The following H1-10 variants were observed in gnomAD, a reference collection of about 807,000 sequenced individuals.
H1-10 encodes the protein histone H1.10.
For synonymous variants in H1-10, 191 were observed against 140.9 expected, an observed-to-expected ratio of 1.36 and a Z score of -2.52; for missense variants, 307 against 297.9, an observed-to-expected ratio of 1.03 and a Z score of -0.22.
Position 129,315,860 on chromosome 3 carries a change from C to A in H1-10, c.43G>T (p.Glu15Ter). The A allele has an allele frequency of 6.3e-7, 1 of 1,598,506 alleles. No homozygotes were observed. The change falls in exon 1 of 1, where the codon GAG (glutamate) becomes TAG (stop). Residue 15 changes from glutamate (E) to a stop codon, truncating the protein, a stop_gained. Transcript: ENST00000333762. LOFTEE classifies it low-confidence loss of function (END_TRUNC). ...LEEALPVTTA[E>*]GMAKKVTKAG... The stretch of plus-strand genomic sequence containing the variant: ...TTGGTCACCTTCTTGGCCATTCCCT[C>A]GGCGGTCGTCACTGGCAGGGCCTCC...
rs1479527902 is a variant in H1-10, at chr3:129,315,384, C to T, written c.519G>A (p.Lys173=). The part of the protein sequence containing the change: ...RGQKPEQRSH[K]KGAGAKKDKG... ...TGTCCTTCTTGGCGCCAGCGCCCTT[C>T]TTGTGCGAGCGCTGCTCCGGCTTCT... The change falls in exon 1 of 1, where the codon AAG becomes AAA. Residue 173 remains lysine, a synonymous_variant. Transcript: ENST00000333762. 4 of 1,542,898 alleles carry T rather than the reference C, an allele frequency of 2.6e-6. No individual in the cohort carries two copies. Among genetic ancestry groups the T allele is most frequent in the Admixed American group, 3.6e-5 (2 of 54,834 alleles).
chr3:129,315,541 A>T lies in H1-10; in HGVS notation c.362T>A (p.Leu121Gln). 6.5e-7 allele frequency: 1 copy of T among 1,544,596 alleles called. No individual in the cohort carries two copies. The highest frequency in any genetic ancestry group is 8.7e-7 in the Non-Finnish European group (1 of 1,146,356). ...TCCGCGCCGCTCCCCGCCGCCCTCC[A>T]GCTTCTTGCGGTTGAGCTTGAAGGA... ...NGSFKLNRKK[L>Q]EGGGERRGAP... The change falls in exon 1 of 1, where the codon CTG (leucine) becomes CAG (glutamine). Residue 121 changes from leucine (L) to glutamine (Q), a missense_variant. Physicochemically the swap from Leu to Gln is moderately radical, Grantham distance 113 (BLOSUM62 -2). Coordinates refer to ENST00000333762, the MANE Select transcript of H1-10 (RefSeq NM_006026.4).
chr3:129,316,227 A>AC lies in H1-10; in HGVS notation c.-326dup, dbSNP rs1388930396. On this transcript the variant is annotated 5_prime_UTR_variant, in exon 1 of 1. Coordinates refer to ENST00000333762, the MANE Select transcript of H1-10 (RefSeq NM_006026.4). The stretch of plus-strand genomic sequence containing the variant: ...AGAGAAATCCCGCCGAACGCGAGAC[A>AC]CCGCCGCCGCAGCTTCCACTGGCGC... 6.0e-6 allele frequency: 1 copy of AC among 165,558 alleles called. No individual in the cohort carries two copies. Among genetic ancestry groups the AC allele is most frequent in the African/African-American group, 2.4e-5 (1 of 41,420 alleles). The allele number at this position is 165,558 out of a possible 1,614,324, so 10.3% of individuals were successfully genotyped here. A position where few individuals can be genotyped will look rare whatever the true frequency, so the allele number is the denominator to read the frequency against.
At position 129,315,709 on chromosome 3, in the gene H1-10, G is replaced by A. The variant is rs750158697; in HGVS notation, c.194C>T (p.Ser65Leu). Residue 65 changes from serine (S) to leucine (L), a missense_variant, in exon 1 of 1, where the codon TCG (serine) becomes TTG (leucine). Transcript: ENST00000333762. ...CTCGGTGTAGATCTTGGCCAGCGAC[G>A]AGCCGTTGCGCTCGCCCAGCCTACG... ...TIRRLGERNG[S>L]SLAKIYTEAK... 1.8e-5 allele frequency: 28 copies of A among 1,580,002 alleles called. No homozygotes were observed. The highest frequency in any genetic ancestry group is 2.3e-5 in the East Asian group (1 of 42,602).
At position 129,315,867 on chromosome 3, in the gene H1-10, C is replaced by A; in HGVS notation, c.36G>T (p.Thr12=). ...SVELEEALPV[T]TAEGMAKKVT... ...CCTTCTTGGCCATTCCCTCGGCGGT[C>A]GTCACTGGCAGGGCCTCCTCGAGCT... Residue 12 remains threonine, a synonymous_variant, in exon 1 of 1, where the codon ACG becomes ACT. Transcript: ENST00000333762. 1 of 1,597,630 alleles carries A rather than the reference C, an allele frequency of 6.3e-7. No homozygotes were observed. Among genetic ancestry groups the A allele is most frequent in the Non-Finnish European group, 8.5e-7 (1 of 1,172,650 alleles).
rs1177562613 is a variant in H1-10 at position 129,315,228 on chromosome 3, G to A, written c.*33C>T. The A allele has an allele frequency of 2.3e-6, 3 of 1,318,834 alleles. No individual in the cohort carries two copies. Among genetic ancestry groups the A allele is most frequent in the Middle Eastern group, 2.7e-4 (1 of 3,700 alleles). 81.7% of individuals were successfully genotyped at this position (1,318,834 alleles called of 1,614,324 possible). On this transcript the variant is annotated 3_prime_UTR_variant, in exon 1 of 1. Transcript: ENST00000333762. ...GGTAGAAAAACAAAAACACCGAAAA[G>A]CCCACGCCGGCCGCTCTGACCGGCC...
Position 129,315,419 on chromosome 3 carries a change from C to G in H1-10, c.484G>C (p.Ala162Pro), listed in dbSNP as rs377074965. 5 of 1,507,334 alleles carry G rather than the reference C, an allele frequency of 3.3e-6. No homozygotes were observed. In the African/African-American group the frequency reaches 7.2e-5, roughly 22 times the overall value. 93.4% of individuals were successfully genotyped at this position (1,507,334 alleles called of 1,614,324 possible). A position where few individuals can be genotyped will look rare whatever the true frequency, so the allele number is the denominator to read the frequency against. ...CGCTGCTCCGGCTTCTGGCCCCTGG[C>G]GGGCTTCTTGTCCGCGCGCCGGGAG... ...AGSRRADKKP[A>P]RGQKPEQRSH... Residue 162 changes from alanine (A) to proline (P), a missense_variant, in exon 1 of 1, where the codon GCC (alanine) becomes CCC (proline). Physicochemically the swap from Ala to Pro is conservative, Grantham distance 27 (BLOSUM62 -1). Coordinates refer to ENST00000333762, the MANE Select transcript of H1-10 (RefSeq NM_006026.4).
rs971703020 is a variant in H1-10 at position 129,315,441 on chromosome 3, G to A, written c.462C>T (p.Ser154=). 13 of 1,470,884 alleles carry A rather than the reference G, an allele frequency of 8.8e-6. No individual in the cohort carries two copies. The highest frequency in any genetic ancestry group is 5.8e-5 in the African/African-American group (4 of 68,378). 91.1% of individuals were successfully genotyped at this position (1,470,884 alleles called of 1,614,324 possible). Residue 154 remains serine (S), a synonymous_variant, in exon 1 of 1, where the codon TCC becomes TCT. Transcript: ENST00000333762. ...AKKAAPGAAG[S]RRADKKPARG... is the part of the protein sequence containing the mutation. ...TGGCGGGCTTCTTGTCCGCGCGCCG[G>A]GAGCCGGCCGCGCCCGGGGCTGCCT...
rs955435690 is a variant in H1-10 at position 129,315,095 on chromosome 3, T to C, written c.*166A>G. 1.3e-5 allele frequency: 6 copies of C among 466,504 alleles called. No homozygotes were observed. Among genetic ancestry groups the C allele is most frequent in the African/African-American group, 1.2e-4 (6 of 49,692 alleles). 28.9% of individuals were successfully genotyped at this position (466,504 alleles called of 1,614,324 possible). The stretch of plus-strand genomic sequence containing the variant: ...AAAGCAAACAACGAAAAACGCTACA[T>C]CGTTGGGGGAGGGGAAAGACTGAGA... On this transcript the variant is annotated 3_prime_UTR_variant, in exon 1 of 1. Transcript: ENST00000333762.
chr3:129,315,459 GGCTGCCTTCTTCGCTTTGTGC>G lies in H1-10; in HGVS notation c.423_443del (p.His142_Ala148del). The stretch of plus-strand genomic sequence containing the variant: ...CGCGCCGGGAGCCGGCCGCGCCCGG[GGCTGCCTTCTTCGCTTTGTGC>G]GCGGTGGGGGCCGGGGCGGTGGCGG... On this transcript the variant is annotated inframe_deletion, in exon 1 of 1. Coordinates refer to ENST00000333762, the MANE Select transcript of H1-10 (RefSeq NM_006026.4). The G allele has an allele frequency of 6.6e-7, 1 of 1,510,282 alleles. No individual in the cohort carries two copies. The highest frequency in any genetic ancestry group is 2.2e-5 in the Admixed American group (1 of 46,196). 93.6% of individuals were successfully genotyped at this position (1,510,282 alleles called of 1,614,324 possible). A position where few individuals can be genotyped will look rare whatever the true frequency, so the allele number is the denominator to read the frequency against.
In H1-10 at chr3:129,314,990, T is replaced by A. The variant is rs745373963; in HGVS notation, c.*271A>T. 1.1e-4 allele frequency: 29 copies of A among 274,086 alleles called. No homozygotes were observed. Among genetic ancestry groups the A allele is most frequent in the Non-Finnish European group, 1.6e-4 (24 of 148,498 alleles). The allele number at this position is 274,086 out of a possible 1,614,324, so 17.0% of individuals were successfully genotyped here. A position where few individuals can be genotyped will look rare whatever the true frequency, so the allele number is the denominator to read the frequency against. On this transcript the variant is annotated 3_prime_UTR_variant, in exon 1 of 1. Coordinates refer to ENST00000333762, the MANE Select transcript of H1-10 (RefSeq NM_006026.4). ...AGGCGCGGCCTCGGCCATCGGCGCC[T>A]AGGGGCCAGTAACCATGACGACGGC... is the stretch of plus-strand genomic sequence containing the variant.
chr3:129,315,691 T>TA lies in H1-10; in HGVS notation c.211dup (p.Tyr71LeufsTer168). 6.3e-7 allele frequency: 1 copy of TA among 1,586,286 alleles called. No homozygotes were observed. Among genetic ancestry groups the TA allele is most frequent in the Non-Finnish European group, 8.6e-7 (1 of 1,168,332 alleles). On this transcript the variant is annotated frameshift_variant, in exon 1 of 1. Coordinates refer to ENST00000333762, the MANE Select transcript of H1-10 (RefSeq NM_006026.4). LOFTEE classifies it low-confidence loss of function (END_TRUNC). ...CCACGGAACCTTCTTGGCCTCGGTG[T>TA]AGATCTTGGCCAGCGACGAGCCGTT...
Position 129,315,972 on chromosome 3 carries a change from G to A in H1-10, c.-70C>T, listed in dbSNP as rs1173975705. The A allele has an allele frequency of 1.1e-5, 14 of 1,250,562 alleles. No individual in the cohort carries two copies. The African/African-American group carries it at 1.8e-4, about 16-fold the overall frequency. The allele number at this position is 1,250,562 out of a possible 1,614,324, so 77.5% of individuals were successfully genotyped here. A position where few individuals can be genotyped will look rare whatever the true frequency, so the allele number is the denominator to read the frequency against. On this transcript the variant is annotated 5_prime_UTR_variant, in exon 1 of 1. Transcript: ENST00000333762. ...GCCGCGCCGGGAAGAGGAAGGCGAG[G>A]GGCCGAGGGGGTGCAGGGGGGCTGG...
In H1-10 at chr3:129,315,143, G is replaced by T; in HGVS notation, c.*118C>A. The T allele has an allele frequency of 1.1e-6, 1 of 898,888 alleles. No homozygotes were observed. Among genetic ancestry groups the T allele is most frequent in the Non-Finnish European group, 1.5e-6 (1 of 680,756 alleles). The allele number at this position is 898,888 out of a possible 1,614,324, so 55.7% of individuals were successfully genotyped here. A position where few individuals can be genotyped will look rare whatever the true frequency, so the allele number is the denominator to read the frequency against. On this transcript the variant is annotated 3_prime_UTR_variant, in exon 1 of 1. Transcript: ENST00000333762. ...AGAGGACCCGGGGCCCCTCCCTGAG[G>T]CTCAGACCAGGCCTCGCGGCCCCGG...
At position 129,316,205 on chromosome 3, in the gene H1-10, G is replaced by A. The variant is rs909327049; in HGVS notation, c.-303C>T. ...GACCTAGGCCGAGCCGGAGCGAAGAGAAATCCCGCCGAACGCGAGACACCG... is the reference window on the plus strand; with the variant it reads ...GACCTAGGCCGAGCCGGAGCGAAGAAAAATCCCGCCGAACGCGAGACACCG... On this transcript the variant is annotated 5_prime_UTR_variant, in exon 1 of 1. Coordinates refer to ENST00000333762, the MANE Select transcript of H1-10 (RefSeq NM_006026.4). The A allele has an allele frequency of 6.0e-6, 1 of 165,510 alleles. No homozygotes were observed. Among genetic ancestry groups the A allele is most frequent in the African/African-American group, 2.4e-5 (1 of 41,438 alleles). 10.3% of individuals were successfully genotyped at this position (165,510 alleles called of 1,614,324 possible).
Position 129,314,853 on chromosome 3 carries a change from AT to A in H1-10, c.*407del, listed in dbSNP as rs1255721085. 1 of 159,960 alleles carries A rather than the reference AT, an allele frequency of 6.3e-6. No homozygotes were observed. Among genetic ancestry groups the A allele is most frequent in the Admixed American group, 6.5e-5 (1 of 15,494 alleles). The allele number at this position is 159,960 out of a possible 1,614,324, so 9.9% of individuals were successfully genotyped here. A position where few individuals can be genotyped will look rare whatever the true frequency, so the allele number is the denominator to read the frequency against. ...GCCGCGCAGCCCTGAGCCCGGAGCG[AT>A]TGTTTGTCGCGCACCCAAAGGCAAG... On this transcript the variant is annotated 3_prime_UTR_variant, in exon 1 of 1. Transcript: ENST00000333762.
Position 129,315,201 on chromosome 3 carries a change from G to T in H1-10, c.*60C>A. 7.9e-7 allele frequency: 1 copy of T among 1,261,484 alleles called. No individual in the cohort carries two copies. The highest frequency in any genetic ancestry group is 1.5e-5 in the African/African-American group (1 of 64,558). The allele number at this position is 1,261,484 out of a possible 1,614,324, so 78.1% of individuals were successfully genotyped here. On this transcript the variant is annotated 3_prime_UTR_variant, in exon 1 of 1. Coordinates refer to ENST00000333762, the MANE Select transcript of H1-10 (RefSeq NM_006026.4). ...GAGCCGTACAAAATCTACGTCACTT[G>T]GGGTAGAAAAACAAAAACACCGAAA...
Position 129,315,928 on chromosome 3 carries a change from G to A in H1-10, c.-26C>T, listed in dbSNP as rs1371842014. The A allele has an allele frequency of 3.9e-6, 6 of 1,534,962 alleles. No homozygotes were observed. In the African/African-American group the frequency reaches 8.3e-5, roughly 21 times the overall value. ...GGTAGCAAGAGGATTGGTGGCGGGC[G>A]GCGCGCGGAAGCCGGGGGGCCGCGC... On this transcript the variant is annotated 5_prime_UTR_variant, in exon 1 of 1. Coordinates refer to ENST00000333762, the MANE Select transcript of H1-10 (RefSeq NM_006026.4).
At position 129,315,717 on chromosome 3, in the gene H1-10, G is replaced by T. The variant is rs1275498431; in HGVS notation, c.186C>A (p.Arg62=). 1 of 1,534,254 alleles carries T rather than the reference G, an allele frequency of 6.5e-7. No individual in the cohort carries two copies. Among genetic ancestry groups the T allele is most frequent in the Admixed American group, 2.0e-5 (1 of 50,316 alleles). The change falls in exon 1 of 1, where the codon CGC becomes CGA. Residue 62 remains arginine (R), a synonymous_variant. Transcript: ENST00000333762. ...VVETIRRLGE[R]NGSSLAKIYT... ...AGATCTTGGCCAGCGACGAGCCGTT[G>T]CGCTCGCCCAGCCTACGGATGGTCT... is the stretch of plus-strand genomic sequence containing the variant.
Sources: gnomAD v4.1 joint callset for allele counts on GRCh38, gnomAD v4.1.1 for gene constraint, MANE v1.5 for transcripts, NCBI Gene and HGNC (gene_info 2026-07-23, HGNC 2026-07-21) for gene names.